Variants in IFT88 observed in about 807,000 individuals in gnomAD.
IFT88 encodes the protein intraflagellar transport 88.
IFT88 carries 74 observed loss-of-function variants against 119.5 expected under a neutral mutation model. The ratio of observed to expected loss-of-function variants is 0.62; its 90% CI spans 0.51 to 0.75. IFT88 has a LOEUF of 0.75. Ranked by LOEUF, IFT88 falls within the 30% of genes least tolerant of loss-of-function variation. The probability of loss-of-function intolerance (pLI) is 0.00; values close to 1 mark genes in which losing one functional copy is unlikely to be tolerated. For synonymous variants in IFT88, 279 were observed against 316.7 expected, an observed-to-expected ratio of 0.88 and a Z score of 1.26; for missense variants, 961 against 977.7, an observed-to-expected ratio of 0.98 and a Z score of 0.23.
intron 11 of IFT88, among the ~76,000 whole-genome samples, chr13:20,600,130 T>C (rs1293652541): frequency 6.6e-6 from 1 of 152,178 alleles, no homozygotes; most frequent in Non-Finnish European, 1.5e-5. Context: ...TGAAAGTTAA[T>C]TTATTTGCAA....
chr13:20,657,207 GC>G (rs2052975383), intron 22 of IFT88, among the ~76,000 whole-genome samples: 1 of 152,174 alleles, frequency 6.6e-6, no homozygotes, highest in African/African-American at 2.4e-5. Context: ...TTAATATGCT[GC>G]GTACTCAGTT....
chr13:20,682,674 A>G (rs1390681483), intron 24 of IFT88, among the ~76,000 whole-genome samples: 2 of 152,250 alleles, frequency 1.3e-5, no homozygotes, highest in African/African-American at 4.8e-5. Context: ...GTAAGTGATC[A>G]TAACATTGGA....
At chr13:20,612,717 C>G (rs1432481090) in intron 13 of IFT88, among the ~76,000 whole-genome samples, 1 of 152,006 alleles carries the variant, frequency 6.6e-6, no homozygotes, top group African/African-American at 2.4e-5. Flanking sequence ...GGGACTCAAA[C>G]TAGAAAGCAA....
Position 20,675,154 on chromosome 13 carries a change from G to A in IFT88, c.2242+4115G>A, listed in dbSNP as rs1378731813. Among the ~76,000 whole-genome samples, 5 of 152,096 alleles carry A rather than the reference G, an allele frequency of 3.3e-5. No homozygotes were observed. In the East Asian group the frequency reaches 9.7e-4, roughly 30 times the overall value. ...CACAAGGGAGGACGAGACAAGGAGT[G>A]TACGCTCTGAGGAGGTGCATAGGCC... is the stretch of plus-strand genomic sequence containing the variant. On this transcript the variant is annotated intron_variant, in intron 24 of 25. Coordinates refer to ENST00000351808, the MANE Select transcript of IFT88 (RefSeq NM_006531.5).
At chr13:20,615,985 T>G in intron 14 of IFT88, 106 bp downstream of exon 14, 1 of 547,252 alleles carries the variant, frequency 1.8e-6, no homozygotes, top group East Asian at 3.3e-5. Flanking sequence ...TGAATGTTGA[T>G]TCATATTTAT....
At chr13:20,583,511 T>A (rs904273275) in intron 3 of IFT88, among the ~76,000 whole-genome samples, 3 of 152,222 alleles carry the variant, frequency 2.0e-5, no homozygotes, top group African/African-American at 2.4e-5. Flanking sequence ...GTAGGAGTTC[T>A]CTATATATTC....
chr13:20,572,434 G>C (rs2036559192), intron 1 of IFT88, among the ~76,000 whole-genome samples: 1 of 152,060 alleles, frequency 6.6e-6, no homozygotes, highest in South Asian at 2.1e-4. Flanking sequence ...GACCAAGCTG[G>C]TCTCAAACTC....
chr13:20,675,267 G>A (rs1222704031), intron 24 of IFT88, among the ~76,000 whole-genome samples: 1 of 152,100 alleles, frequency 6.6e-6, no homozygotes, highest in Non-Finnish European at 1.5e-5. Context: ...TGAGAGGCCG[G>A]GGGGCGGGTG....
chr13:20,569,252 AG>A (rs1462845800), intron 1 of IFT88, among the ~76,000 whole-genome samples: 8 of 122,720 alleles, frequency 6.5e-5, no homozygotes, highest in African/African-American at 2.0e-4. Context: ...GTGCAACCAA[AG>A]GAAAAATAAA....
chr13:20,613,993 T>C (rs1001031361), intron 13 of IFT88, among the ~76,000 whole-genome samples: 1 of 151,702 alleles, frequency 6.6e-6, no homozygotes, highest in African/African-American at 2.4e-5. Context: ...TGTTTCTTTT[T>C]GGGATGATGA....
intron 17 of IFT88, among the ~76,000 whole-genome samples, chr13:20,640,302 G>T (rs1048231394): frequency 9.9e-5 from 15 of 151,822 alleles, no homozygotes; most frequent in African/African-American, 2.9e-4. Context: ...GCCAGGTGTG[G>T]TGGCTCATGC....
At chr13:20,586,480 C>T (rs2039680585) in intron 3 of IFT88, among the ~76,000 whole-genome samples, 1 of 151,998 alleles carries the variant, frequency 6.6e-6, no homozygotes, top group African/African-American at 2.4e-5. Context: ...GAAGAGATTG[C>T]TTAGAAGATA....
intron 15 of IFT88, among the ~76,000 whole-genome samples, chr13:20,627,123 C>T (rs1396788772): frequency 1.3e-5 from 2 of 152,180 alleles, no homozygotes. Flanking sequence ...GGTTCCATTG[C>T]ATATGTTAAT....
intron 21 of IFT88, among the ~76,000 whole-genome samples, chr13:20,654,433 G>A (rs1327419782): frequency 6.6e-6 from 1 of 152,162 alleles, no homozygotes; most frequent in Non-Finnish European, 1.5e-5. Context: ...ATATCCTGAA[G>A]GATAGAGATG....
At chr13:20,660,496 G>A (rs2053612132) in intron 22 of IFT88, among the ~76,000 whole-genome samples, 1 of 152,214 alleles carries the variant, frequency 6.6e-6, no homozygotes, top group Non-Finnish European at 1.5e-5. Context: ...CTGTACCTGA[G>A]GTCCAAATCA....
intron 1 of IFT88, among the ~76,000 whole-genome samples, chr13:20,573,491 A>G (rs2036784552): frequency 6.6e-6 from 1 of 152,192 alleles, no homozygotes; most frequent in African/African-American, 2.4e-5. Flanking sequence ...TTAGGTCGAC[A>G]GCTACTATGA....
At chr13:20,577,247 A>C (rs917903032) in intron 2 of IFT88, among the ~76,000 whole-genome samples, 5 of 152,186 alleles carry the variant, frequency 3.3e-5, no homozygotes, top group Non-Finnish European at 7.4e-5. Flanking sequence ...TATCAGTTCT[A>C]ATAGTTTTTT....
chr13:20,633,856 T>C (rs2048590973), intron 16 of IFT88, among the ~76,000 whole-genome samples: 1 of 152,214 alleles, frequency 6.6e-6, no homozygotes, highest in Admixed American at 6.5e-5. Context: ...CTGTTTTCTC[T>C]TGCTGTGTAA....
intron 15 of IFT88, among the ~76,000 whole-genome samples, chr13:20,630,213 T>C (rs551887281): frequency 5.1e-4 from 77 of 152,328 alleles, no homozygotes; most frequent in African/African-American, 1.8e-3. Flanking sequence ...CGTAAGTCTC[T>C]TGTGTTCTTT....
Sources: gnomAD v4.1 joint callset for allele counts (sites outside exome capture counted in the v4.1 genomes callset) on GRCh38, gnomAD v4.1.1 for gene constraint, MANE v1.5 for transcripts, NCBI Gene and HGNC (gene_info 2026-07-23, HGNC 2026-07-21) for gene names.